Variants in ANGPT2 observed in about 807,000 individuals in gnomAD.
ANGPT2 encodes the protein angiopoietin 2, also known as angiopoietin-2.
A neutral mutation model predicts 62.9 loss-of-function variants in ANGPT2; 28 were observed. The ratio of observed to expected loss-of-function variants is 0.44; its 90% confidence interval spans 0.33 to 0.61. The LOEUF is 0.61. ANGPT2 is among the 20% of genes least tolerant of loss of function. The pLI is 0.03. For missense variants in ANGPT2, 727 were observed against 594.9 expected (o/e 1.22, Z -2.31); for synonymous variants, 284 against 207.8 (o/e 1.37, Z -3.15).
chr8:6,551,252 G>T (rs1823602110), intron 1 of ANGPT2, among the ~76,000 whole-genome samples: 1 of 152,012 alleles, frequency 6.6e-6, no homozygotes. Context: ...TCTTTCTCAT[G>T]CAGAGACTGT....
chr8:6,502,760 G>T lies in ANGPT2; in HGVS notation c.*341C>A. The T allele has an allele frequency of 3.3e-6, 1 of 303,190 alleles. No individual in the cohort carries two copies. The highest frequency in any genetic ancestry group is 6.2e-6 in the Non-Finnish European group (1 of 160,282). 18.8% of individuals were successfully genotyped at this position (303,190 alleles called of 1,614,324 possible). On this transcript the variant is annotated 3_prime_UTR_variant, in exon 9 of 9. Coordinates refer to ENST00000629816, the MANE Select transcript of ANGPT2 (RefSeq NM_001118887.2). ...CTGTATTGTATAACATAAGTGTTCT[G>T]TTTTCCAGTTATTTACTGATAAACT...
chr8:6,508,882 T>C, intron 8 of ANGPT2, 50 bp downstream of exon 8: 1 of 1,612,562 alleles, frequency 6.2e-7, no homozygotes, highest in Non-Finnish European at 8.5e-7. Flanking sequence ...TTTCCCTCTA[T>C]GAAATCATTC....
intron 5 of ANGPT2, among the ~76,000 whole-genome samples, chr8:6,515,022 T>C (rs17620873): frequency 0.017 from 2,516 of 152,310 alleles, 43 homozygotes; most frequent in Non-Finnish European, 0.026. Flanking sequence ...GATGAGAATA[T>C]GACTCACTTG....
chr8:6,556,744 G>C (rs1420197018), intron 1 of ANGPT2, among the ~76,000 whole-genome samples: 2 of 152,058 alleles, frequency 1.3e-5, no homozygotes, highest in African/African-American at 4.8e-5. Context: ...CTCCCAAGTA[G>C]CTGGGACCAC....
chr8:6,533,635 A>G (rs143417548), intron 1 of ANGPT2, among the ~76,000 whole-genome samples: 123 of 147,204 alleles, frequency 8.4e-4, no homozygotes, highest in African/African-American at 2.8e-3. Flanking sequence ...TCCCTGGTCC[A>G]AAGTATAAGC....
intron 1 of ANGPT2, among the ~76,000 whole-genome samples, chr8:6,543,757 C>T (rs1455348907): frequency 1.3e-5 from 2 of 152,162 alleles, no homozygotes; most frequent in East Asian, 3.8e-4. Flanking sequence ...ACCTCTGGTT[C>T]AGTTCCCATT....
At chr8:6,541,847 T>C (rs114930623) in intron 1 of ANGPT2, among the ~76,000 whole-genome samples, 1 of 151,652 alleles carries the variant, frequency 6.6e-6, no homozygotes, top group Non-Finnish European at 1.5e-5. Context: ...CTACAGAAAA[T>C]TTTTTTAAAA....
intron 1 of ANGPT2, among the ~76,000 whole-genome samples, chr8:6,540,521 A>G (rs1821348586): frequency 6.6e-6 from 1 of 152,240 alleles, no homozygotes; most frequent in Admixed American, 6.5e-5. Context: ...GCCTCATGGC[A>G]CGTTATGCAT....
At chr8:6,513,958 CT>C in intron 6 of ANGPT2, 114 bp from the exon 7 acceptor site, 1 of 1,033,260 alleles carries the variant, frequency 9.7e-7, no homozygotes, top group Non-Finnish European at 1.4e-6. Context: ...GAAATTCCTT[CT>C]GGTGCTGTGA....
chr8:6,523,492 T>C (rs1817742696), intron 3 of ANGPT2, among the ~76,000 whole-genome samples: 1 of 152,176 alleles, frequency 6.6e-6, no homozygotes, highest in Non-Finnish European at 1.5e-5. Flanking sequence ...AGGAAACAAA[T>C]CCAAGAGAGT....
chr8:6,532,048 G>A (rs1337194678), intron 2 of ANGPT2, among the ~76,000 whole-genome samples: 4 of 152,160 alleles, frequency 2.6e-5, no homozygotes, highest in East Asian at 1.9e-4. Context: ...GACAGAGGGG[G>A]TATTCATCTT....
At chr8:6,521,454 G>A in intron 3 of ANGPT2, 44 bp from the exon 4 acceptor site, 1 of 1,332,706 alleles carries the variant, frequency 7.5e-7, no homozygotes, top group Non-Finnish European at 1.0e-6. Context: ...CTATTCTAAT[G>A]AAATATTTTA....
chr8:6,540,944 G>A (rs916719242), intron 1 of ANGPT2, among the ~76,000 whole-genome samples: 1 of 152,254 alleles, frequency 6.6e-6, no homozygotes, highest in African/African-American at 2.4e-5. Context: ...TCCACCTGGG[G>A]CAAGAATGGG....
chr8:6,519,355 C>T (rs949180346), intron 5 of ANGPT2, among the ~76,000 whole-genome samples: 2 of 152,124 alleles, frequency 1.3e-5, no homozygotes, highest in South Asian at 2.1e-4. Flanking sequence ...CCACCATCCC[C>T]GTGTGAGGCA....
At chr8:6,522,248 T>G (rs974762086) in intron 3 of ANGPT2, among the ~76,000 whole-genome samples, 21 of 151,546 alleles carry the variant, frequency 1.4e-4, no homozygotes, top group African/African-American at 4.1e-4. Context: ...ACAGCTACTC[T>G]GGAGGCTGAG....
intron 8 of ANGPT2, among the ~76,000 whole-genome samples, chr8:6,505,287 TTATATACA>T (rs1354847493): frequency 1.1e-5 from 1 of 89,418 alleles, no homozygotes; most frequent in Non-Finnish European, 1.9e-5. Context: ...CATATATATG[TTATATACA>T]TATATATGTA....
At chr8:6,515,716 C>G (rs1481347197) in intron 5 of ANGPT2, among the ~76,000 whole-genome samples, 1 of 152,162 alleles carries the variant, frequency 6.6e-6, no homozygotes, top group Non-Finnish European at 1.5e-5. Flanking sequence ...CTGCCACATA[C>G]AAGGTAGGAA....
chr8:6,557,024 C>T (rs754530156), intron 1 of ANGPT2, among the ~76,000 whole-genome samples: 94 of 152,246 alleles, frequency 6.2e-4, no homozygotes, highest in Middle Eastern at 3.4e-3. Context: ...CTGGAAACCC[C>T]ACCTAGGAGG....
At chr8:6,519,229 A>C (rs1210961965) in intron 5 of ANGPT2, among the ~76,000 whole-genome samples, 1 of 152,166 alleles carries the variant, frequency 6.6e-6, no homozygotes. Flanking sequence ...TGTCCCTCAG[A>C]CCATGTCACC....
Sources: allele counts gnomAD v4.1 joint callset (sites outside exome capture counted in the v4.1 genomes callset), GRCh38; gene constraint gnomAD v4.1.1; transcripts MANE v1.5; gene names NCBI Gene and HGNC (gene_info 2026-07-23, HGNC 2026-07-21).